AGBL4: variants seen among roughly 807,000 people sequenced by gnomAD.
AGBL4 encodes cytosolic carboxypeptidase 6.
A neutral mutation model predicts 66.4 loss-of-function variants in AGBL4; 58 were observed. The ratio of observed to expected loss-of-function variants is 0.87; its 90% CI spans 0.71 to 1.09. The LOEUF is 1.09. AGBL4 is among the 50% of genes least tolerant of loss of function. The probability of loss-of-function intolerance (pLI) is 0.00; values close to 1 mark genes in which losing one functional copy is unlikely to be tolerated. For missense variants in AGBL4, 579 were observed against 631.0 expected (o/e 0.92, Z 0.88); for synonymous variants, 234 against 222.9 (o/e 1.05, Z -0.44).
intron 3 of AGBL4, among the ~76,000 whole-genome samples, chr1:49,463,724 A>T (rs992830563): frequency 6.6e-6 from 1 of 151,798 alleles, no homozygotes; most frequent in Non-Finnish European, 1.5e-5. Flanking sequence ...GGGGAGAGCC[A>T]CATATTAATT....
chr1:48,967,527 T>C (rs1164873991), intron 5 of AGBL4, among the ~76,000 whole-genome samples: 4 of 152,180 alleles, frequency 2.6e-5, no homozygotes, highest in Non-Finnish European at 5.9e-5. Flanking sequence ...GATTGCAAGA[T>C]TGCATGATAA....
intron 5 of AGBL4, among the ~76,000 whole-genome samples, chr1:49,033,837 T>TA (rs1473618704): frequency 6.6e-6 from 1 of 151,210 alleles, no homozygotes; most frequent in Non-Finnish European, 1.5e-5. Context: ...TTTTTTTTTT[T>TA]ACTTCTCAGA....
At chr1:49,397,243 C>A (rs1315915736) in intron 3 of AGBL4, among the ~76,000 whole-genome samples, 1 of 151,868 alleles carries the variant, frequency 6.6e-6, no homozygotes, top group Non-Finnish European at 1.5e-5. Context: ...TGTTAAAGGC[C>A]CCACTCCACC....
intron 2 of AGBL4, among the ~76,000 whole-genome samples, chr1:49,829,339 C>T (rs1255779048): frequency 6.6e-6 from 1 of 151,928 alleles, no homozygotes; most frequent in Non-Finnish European, 1.5e-5. Flanking sequence ...TAGGTCAGTC[C>T]GAGACAGGGG....
At chr1:49,782,127 T>C (rs1268520164) in intron 2 of AGBL4, among the ~76,000 whole-genome samples, 1 of 151,394 alleles carries the variant, frequency 6.6e-6, no homozygotes, top group Non-Finnish European at 1.5e-5. Context: ...GGAGTATAAA[T>C]GAATGAAGCA....
At chr1:48,925,579 C>A (rs1654477079) in intron 5 of AGBL4, among the ~76,000 whole-genome samples, 1 of 152,072 alleles carries the variant, frequency 6.6e-6, no homozygotes, top group African/African-American at 2.4e-5. Flanking sequence ...TGGCCCAAGA[C>A]AATTATTCTT....
chr1:48,722,783 T>C (rs1053412980), intron 6 of AGBL4, among the ~76,000 whole-genome samples: 3 of 152,190 alleles, frequency 2.0e-5, no homozygotes, highest in Non-Finnish European at 4.4e-5. Flanking sequence ...AGGTGACATC[T>C]TGCTGACCAA....
At chr1:49,581,012 T>C (rs1558072675) in intron 3 of AGBL4, among the ~76,000 whole-genome samples, 1 of 152,206 alleles carries the variant, frequency 6.6e-6, no homozygotes, top group Non-Finnish European at 1.5e-5. Context: ...GTTTGATTGC[T>C]TTATGCAGTC....
chr1:49,276,450 T>G (rs545780999), intron 3 of AGBL4, among the ~76,000 whole-genome samples: 2 of 152,256 alleles, frequency 1.3e-5, no homozygotes, highest in South Asian at 4.1e-4. Flanking sequence ...TTTGGCATAT[T>G]TTGAGATGGC....
At chr1:48,635,358 G>A (rs757086463) in intron 8 of AGBL4, among the ~76,000 whole-genome samples, 3 of 152,210 alleles carry the variant, frequency 2.0e-5, no homozygotes, top group African/African-American at 4.8e-5. Flanking sequence ...GAGGGACTGG[G>A]AGAACCCCAT....
At chr1:48,974,880 G>A (rs2148957381) in intron 5 of AGBL4, among the ~76,000 whole-genome samples, 1 of 152,116 alleles carries the variant, frequency 6.6e-6, no homozygotes, top group Non-Finnish European at 1.5e-5. Context: ...ACCTGTCAGG[G>A]ACCATAGCAT....
At chr1:49,949,984 G>GTATA (rs200645395) in intron 1 of AGBL4, among the ~76,000 whole-genome samples, 1 of 134,792 alleles carries the variant, frequency 7.4e-6, no homozygotes, top group Non-Finnish European at 1.6e-5. Context: ...ACACACATAT[G>GTATA]TATATATATA....
intron 1 of AGBL4, among the ~76,000 whole-genome samples, chr1:49,963,730 C>G (rs1308045483): frequency 1.3e-5 from 2 of 152,070 alleles, no homozygotes; most frequent in African/African-American, 4.8e-5. Flanking sequence ...GGAAATGCTC[C>G]AACTGCCCAT....
intron 4 of AGBL4, among the ~76,000 whole-genome samples, chr1:49,213,202 G>T (rs1236351504): frequency 6.6e-6 from 1 of 152,104 alleles, no homozygotes; most frequent in African/African-American, 2.4e-5. Flanking sequence ...TTTGTGAGCT[G>T]CACAGAATGG....
At chr1:49,253,395 C>T (rs75115278) in intron 3 of AGBL4, among the ~76,000 whole-genome samples, 1,667 of 152,118 alleles carry the variant, frequency 0.011, 27 homozygotes, top group African/African-American at 0.039. Context: ...GGTGTTATGT[C>T]CCCTATGCAC....
chr1:49,880,848 GAT>G (rs1647222966), intron 1 of AGBL4, among the ~76,000 whole-genome samples: 1 of 152,038 alleles, frequency 6.6e-6, no homozygotes, highest in African/African-American at 2.4e-5. Flanking sequence ...CCAGGTGTGG[GAT>G]ATAGTCTCGT....
chr1:49,174,058 G>A (rs1646787246), intron 4 of AGBL4, among the ~76,000 whole-genome samples: 1 of 152,072 alleles, frequency 6.6e-6, no homozygotes, highest in Non-Finnish European at 1.5e-5. Context: ...AAGAAACAGT[G>A]AAAGGAAAAG....
At chr1:48,894,007 T>C (rs1470622534) in intron 5 of AGBL4, among the ~76,000 whole-genome samples, 1 of 152,236 alleles carries the variant, frequency 6.6e-6, no homozygotes, top group Non-Finnish European at 1.5e-5. Flanking sequence ...GCTTTCATCA[T>C]GTACTGGCCA....
intron 4 of AGBL4, among the ~76,000 whole-genome samples, chr1:49,241,640 T>C (rs1651245647): frequency 6.6e-6 from 1 of 152,056 alleles, no homozygotes. Context: ...TATGTTTTAA[T>C]GCCTTGCATA....
Sources: gnomAD v4.1 joint callset for allele counts (sites outside exome capture counted in the v4.1 genomes callset) on GRCh38, gnomAD v4.1.1 for gene constraint, MANE v1.5 for transcripts, NCBI Gene and HGNC (gene_info 2026-07-23, HGNC 2026-07-21) for gene names.